The following LHFPL3 variants were observed in gnomAD, a reference collection of about 807,000 sequenced individuals.
LHFPL3 encodes LHFPL tetraspan subfamily member 3.
LHFPL3 carries 5 observed loss-of-function variants against 19.3 expected under a neutral mutation model. The ratio of observed to expected loss-of-function variants is 0.26; its 90% CI spans 0.14 to 0.54. The LOEUF (loss-of-function observed/expected upper bound fraction) is 0.54. Ranked by LOEUF, LHFPL3 falls within the 20% of genes least tolerant of loss-of-function variation. LHFPL3 has a pLI of 0.94. For missense variants in LHFPL3, 249 were observed against 307.4 expected, an observed-to-expected ratio of 0.81 and a Z score of 1.42; for synonymous variants, 133 against 126.2, an observed-to-expected ratio of 1.05 and a Z score of -0.36.
At chr7:104,509,776 A>T (rs1584369163) in intron 1 of LHFPL3, among the ~76,000 whole-genome samples, 1 of 152,098 alleles carries the variant, frequency 6.6e-6, no homozygotes, top group Non-Finnish European at 1.5e-5. Context: ...TAAAAGACAT[A>T]CAGATACAAA....
intron 1 of LHFPL3, among the ~76,000 whole-genome samples, chr7:104,380,867 C>G (rs1790813671): frequency 6.6e-6 from 1 of 151,862 alleles, no homozygotes; most frequent in Non-Finnish European, 1.5e-5. Flanking sequence ...CAACAAAAAG[C>G]AAGAAAGTAG....
At chr7:104,759,979 G>T (rs761707754) in intron 2 of LHFPL3, among the ~76,000 whole-genome samples, 8 of 152,190 alleles carry the variant, frequency 5.3e-5, no homozygotes, top group African/African-American at 1.9e-4. Flanking sequence ...TATTATCGTC[G>T]CTCCTCAGAT....
intron 2 of LHFPL3, among the ~76,000 whole-genome samples, chr7:104,810,359 G>A (rs192541120): frequency 3.0e-4 from 46 of 152,282 alleles, no homozygotes; most frequent in African/African-American, 1.1e-3. Context: ...TAGAGGCAGA[G>A]GAACCGGGGG....
intron 1 of LHFPL3, among the ~76,000 whole-genome samples, chr7:104,473,695 T>G (rs1562908560): frequency 1.3e-5 from 2 of 152,224 alleles, no homozygotes; most frequent in African/African-American, 4.8e-5. Context: ...CTCTATCTGA[T>G]GGGGCTGGTG....
chr7:104,354,616 AATT>A (rs1348649998), intron 1 of LHFPL3, among the ~76,000 whole-genome samples: 1 of 152,134 alleles, frequency 6.6e-6, no homozygotes, highest in Non-Finnish European at 1.5e-5. Flanking sequence ...CATTTCTCTA[AATT>A]ATTAACGAGT....
intron 1 of LHFPL3, among the ~76,000 whole-genome samples, chr7:104,603,438 C>A (rs1210100848): frequency 1.3e-5 from 2 of 151,962 alleles, no homozygotes; most frequent in Non-Finnish European, 1.5e-5. Flanking sequence ...AGCATTGCAC[C>A]CCTGGCCCCC....
chr7:104,704,668 C>G (rs1044303053), intron 1 of LHFPL3, among the ~76,000 whole-genome samples: 9 of 150,234 alleles, frequency 6.0e-5, no homozygotes, highest in Admixed American at 3.3e-4. Flanking sequence ...CAGGGTCTCA[C>G]TCTATCACCC....
At chr7:104,637,632 T>C (rs1791752204) in intron 1 of LHFPL3, among the ~76,000 whole-genome samples, 1 of 152,172 alleles carries the variant, frequency 6.6e-6, no homozygotes, top group Non-Finnish European at 1.5e-5. Flanking sequence ...ACTTATTGAA[T>C]AGGGAGTCCT....
At chr7:104,372,898 G>A (rs1041182424) in intron 1 of LHFPL3, among the ~76,000 whole-genome samples, 1 of 147,372 alleles carries the variant, frequency 6.8e-6, no homozygotes. Context: ...GAATTAATCA[G>A]AATAAAACAC....
chr7:104,834,525 G>T (rs1791054242), intron 2 of LHFPL3, among the ~76,000 whole-genome samples: 1 of 151,902 alleles, frequency 6.6e-6, no homozygotes, highest in South Asian at 2.1e-4. Context: ...TTATGTCAGT[G>T]GGGTCTAGCT....
Position 104,328,771 on chromosome 7 carries a change from A to AGGG in LHFPL3, c.-6_-4dup. On this transcript the variant is annotated 5_prime_UTR_variant, in exon 1 of 3. Transcript: ENST00000424859. This position sits in a 1 kb window ranked among gnomAD's most constrained non-coding sequence, Gnocchi z 4.6. Reference sequence around the variant, plus strand: ...CAGGAGGAGGAGGAGGAGGAGGAGGAGGGGGAGAATGCCCGGAGCCGCCGC... The same window carrying AGGG: ...CAGGAGGAGGAGGAGGAGGAGGAGGAGGGGGGGGAGAATGCCCGGAGCCGCCGC... 6.5e-7 allele frequency: 1 copy of AGGG among 1,536,780 alleles called. No homozygotes were observed. The highest frequency in any genetic ancestry group is 8.8e-7 in the Non-Finnish European group (1 of 1,130,704).
At position 104,328,708 on chromosome 7, in the gene LHFPL3, G is replaced by A. The variant is rs1801509459; in HGVS notation, c.-72G>A. ...GCAGCGCGCGAGGCTCCGTGAGTGT[G>A]TCTCCTGCGCGCTGAGAGGCGGGGG... On this transcript the variant is annotated 5_prime_UTR_variant, in exon 1 of 3. Coordinates refer to ENST00000424859, the MANE Select transcript of LHFPL3 (RefSeq NM_199000.3). This position sits in a 1 kb window ranked among gnomAD's most constrained non-coding sequence, Gnocchi z 4.6. 2 of 1,372,598 alleles carry A rather than the reference G, an allele frequency of 1.5e-6. No homozygotes were observed. The highest frequency in any genetic ancestry group is 2.0e-5 in the Admixed American group (1 of 50,154). The allele number at this position is 1,372,598 out of a possible 1,614,324, so 85.0% of individuals were successfully genotyped here.
At chr7:104,814,294 T>TGGCTCCTCTCTGCACCTGGTCGAC in intron 2 of LHFPL3, among the ~76,000 whole-genome samples, 1 of 152,054 alleles carries the variant, frequency 6.6e-6, no homozygotes, top group Non-Finnish European at 1.5e-5. Flanking sequence ...CTAGAGTGGG[T>TGGCTCCTCTCTGCACCTGGTCGAC]GGCTCCTCTC....
intron 1 of LHFPL3, among the ~76,000 whole-genome samples, chr7:104,464,729 G>T (rs928711805): frequency 1.3e-5 from 2 of 152,342 alleles, no homozygotes; most frequent in Non-Finnish European, 2.9e-5. Flanking sequence ...AGGCTGCACT[G>T]AGCAGCAGGG....
At chr7:104,808,588 AAGAC>A (rs1243622506) in intron 2 of LHFPL3, among the ~76,000 whole-genome samples, 2 of 152,210 alleles carry the variant, frequency 1.3e-5, no homozygotes, top group East Asian at 3.8e-4. Flanking sequence ...AGAGGTGAAA[AAGAC>A]AGAAACTCAA....
At chr7:104,805,567 T>C (rs1790344036) in intron 2 of LHFPL3, among the ~76,000 whole-genome samples, 1 of 152,198 alleles carries the variant, frequency 6.6e-6, no homozygotes, top group African/African-American at 2.4e-5. Flanking sequence ...CCCTGCTTCG[T>C]TCACCCCTTC....
chr7:104,571,213 G>A (rs148854828), intron 1 of LHFPL3, among the ~76,000 whole-genome samples: 9 of 152,152 alleles, frequency 5.9e-5, no homozygotes, highest in Non-Finnish European at 1.0e-4. Flanking sequence ...TTTACATGAT[G>A]CCCTGAAGTA....
At chr7:104,898,998 G>A (rs1025928327) in intron 2 of LHFPL3, among the ~76,000 whole-genome samples, 1 of 151,942 alleles carries the variant, frequency 6.6e-6, no homozygotes, top group Non-Finnish European at 1.5e-5. Flanking sequence ...AGCTACTTAC[G>A]GGGCTGAGGT....
At position 104,328,859 on chromosome 7, in the gene LHFPL3, C is replaced by G; in HGVS notation, c.80C>G (p.Thr27Ser). ...CAGGAGGCTGCCAAGCTGTACCACA[C>G]CAACTATGTGCGGAACTCGCGGGCC... Reference protein sequence around the residue: ...PAQEAAKLYHTNYVRNSRAIG... With the variant: ...PAQEAAKLYHSNYVRNSRAIG... The change falls in exon 1 of 3, where the codon ACC becomes AGC. Residue 27 changes from threonine (T) to serine (S), a missense_variant. Transcript: ENST00000424859. This position sits in a 1 kb window ranked among gnomAD's most constrained non-coding sequence, Gnocchi z 4.6. 1 of 1,614,186 alleles carries G rather than the reference C, an allele frequency of 6.2e-7. No homozygotes were observed. Among genetic ancestry groups the G allele is most frequent in the Non-Finnish European group, 8.5e-7 (1 of 1,180,028 alleles).
Sources: gnomAD v4.1 joint callset for allele counts (sites outside exome capture counted in the v4.1 genomes callset) on GRCh38, gnomAD v4.1.1 for gene constraint, Gnocchi (gnomAD v3.1) non-coding constraint, MANE v1.5 for transcripts, NCBI Gene and HGNC (gene_info 2026-07-23, HGNC 2026-07-21) for gene names.